The following UFL1 variants were observed in gnomAD, a reference collection of about 807,000 sequenced individuals.
UFL1 encodes the protein UFM1 specific ligase 1, also known as E3 UFM1-protein ligase 1.
A neutral mutation model predicts 99.3 loss-of-function variants in UFL1; 78 were observed. That is an observed-to-expected ratio of 0.79 (90% CI 0.65 to 0.95). The LOEUF (loss-of-function observed/expected upper bound fraction) is 0.95, where lower values mean the gene tolerates loss of function less well. Among genes scored for constraint, UFL1 ranks in the 40% least tolerant of loss-of-function variants. The pLI is 0.00. For missense variants in UFL1, 936 were observed against 937.0 expected (o/e 1.00, Z 0.01); for synonymous variants, 335 against 322.2 (o/e 1.04, Z -0.42).
At chr6:96,545,831 A>G (rs1199423032) in intron 12 of UFL1, among the ~76,000 whole-genome samples, 3 of 151,218 alleles carry the variant, frequency 2.0e-5, no homozygotes, top group Non-Finnish European at 4.4e-5. Flanking sequence ...CCACTTCATG[A>G]TAAAAATCTT....
chr6:96,525,586 A>C (rs1769686834), intron 4 of UFL1, among the ~76,000 whole-genome samples, 192 bp downstream of exon 4: 1 of 151,996 alleles, frequency 6.6e-6, no homozygotes, highest in East Asian at 1.9e-4. Flanking sequence ...ATGTACCTGT[A>C]ATCCCAGCTA....
At position 96,554,087 on chromosome 6, in the gene UFL1, T is replaced by G. The variant is rs1770120689; in HGVS notation, c.*584T>G. On this transcript the variant is annotated 3_prime_UTR_variant, in exon 19 of 19. Coordinates refer to ENST00000369278, the MANE Select transcript of UFL1 (RefSeq NM_015323.5). ...CTCTTATTTTTGGCAGAATAAACAT[T>G]GATTTTGGTTGGGGCTGCAAGGATG... 1.3e-5 allele frequency: 2 copies of G among 152,372 alleles called. No homozygotes were observed. Among genetic ancestry groups the G allele is most frequent in the Non-Finnish European group, 2.9e-5 (2 of 68,220 alleles). The allele number at this position is 152,372 out of a possible 1,614,324, so 9.4% of individuals were successfully genotyped here. A position where few individuals can be genotyped will look rare whatever the true frequency, so the allele number is the denominator to read the frequency against.
At chr6:96,529,072 T>C (rs1769744521) in intron 6 of UFL1, among the ~76,000 whole-genome samples, 1 of 152,216 alleles carries the variant, frequency 6.6e-6, no homozygotes, top group East Asian at 1.9e-4. Context: ...CTAGAGAATT[T>C]TATGACATTT....
chr6:96,524,811 G>T (rs1769675990), intron 3 of UFL1, among the ~76,000 whole-genome samples: 1 of 152,080 alleles, frequency 6.6e-6, no homozygotes, highest in African/African-American at 2.4e-5. Context: ...TTTAAAAGTA[G>T]AAGCTATTTT....
intron 4 of UFL1, among the ~76,000 whole-genome samples, 158 bp from the exon 5 acceptor site, chr6:96,526,163 T>A (rs1222376002): frequency 6.6e-6 from 1 of 152,128 alleles, no homozygotes; most frequent in Non-Finnish European, 1.5e-5. Context: ...GAGAAAAAAG[T>A]ATTTGTTAGA....
intron 10 of UFL1, 117 bp from the exon 11 acceptor site, chr6:96,540,418 C>T (rs1769914269): frequency 1.2e-5 from 16 of 1,286,992 alleles, no homozygotes; most frequent in Admixed American, 3.2e-5. Flanking sequence ...TGAAACAAAG[C>T]TCTATAGTTC....
chr6:96,531,771 C>T (rs1290088897), intron 6 of UFL1, among the ~76,000 whole-genome samples: 1 of 152,096 alleles, frequency 6.6e-6, no homozygotes, highest in Non-Finnish European at 1.5e-5. Context: ...TAATTTTCAT[C>T]AAAATCAGCT....
At chr6:96,525,440 T>C in intron 4 of UFL1, 46 bp downstream of exon 4, 34 of 1,456,612 alleles carry the variant, frequency 2.3e-5, no homozygotes, top group Non-Finnish European at 3.1e-5. Context: ...GTTTATTTTC[T>C]TTCTTTTTTT....
intron 1 of UFL1, among the ~76,000 whole-genome samples, chr6:96,522,436 T>A (rs1350410441): frequency 6.6e-6 from 1 of 152,152 alleles, no homozygotes; most frequent in Non-Finnish European, 1.5e-5. Context: ...GCTAGACCCC[T>A]GACCCCATCT....
intron 1 of UFL1, among the ~76,000 whole-genome samples, chr6:96,522,377 G>T: frequency 6.6e-6 from 1 of 152,104 alleles, no homozygotes; most frequent in East Asian, 1.9e-4. Flanking sequence ...CAAATAGTAT[G>T]TTGATCCTTA....
chr6:96,540,912 C>T (rs906581574), intron 11 of UFL1, among the ~76,000 whole-genome samples: 1 of 151,410 alleles, frequency 6.6e-6, no homozygotes, highest in Non-Finnish European at 1.5e-5. Context: ...TCCCCATCCT[C>T]TGTCTATGTT....
At chr6:96,551,740 G>A (rs1770083445) in intron 16 of UFL1, 98 bp from the exon 17 acceptor site, 4 of 872,814 alleles carry the variant, frequency 4.6e-6, no homozygotes, top group Non-Finnish European at 7.1e-6. Context: ...TTTAAAAATT[G>A]TATTTGGGAT....
At chr6:96,546,119 CA>C (rs963033158) in intron 12 of UFL1, among the ~76,000 whole-genome samples, 9 of 151,242 alleles carry the variant, frequency 6.0e-5, no homozygotes, top group African/African-American at 1.9e-4. Flanking sequence ...CCTAGAAAGC[CA>C]TAAAGACTCC....
rs1770125873 is a variant in UFL1, at chr6:96,554,394, C to T, written c.*891C>T. 1 of 152,048 alleles carries T rather than the reference C, an allele frequency of 6.6e-6. No individual in the cohort carries two copies. The highest frequency in any genetic ancestry group is 1.9e-4 in the East Asian group (1 of 5,184). The allele number at this position is 152,048 out of a possible 1,614,324, so 9.4% of individuals were successfully genotyped here. On this transcript the variant is annotated 3_prime_UTR_variant, in exon 19 of 19. Transcript: ENST00000369278. ...ATGCCTTTTCCAGTGGTAGGAGCAT[C>T]TGTAAGTGCATTTAAATCATTAGAA...
intron 3 of UFL1, among the ~76,000 whole-genome samples, chr6:96,524,700 T>C (rs1165641588): frequency 6.6e-6 from 1 of 152,318 alleles, no homozygotes; most frequent in Non-Finnish European, 1.5e-5. Context: ...AATGAACTCA[T>C]AGTTATTTTA....
chr6:96,548,297 A>G lies in UFL1; in HGVS notation c.1520+16A>G, dbSNP rs535820492. The G allele has an allele frequency of 8.9e-6, 13 of 1,463,936 alleles. No homozygotes were observed. The South Asian group carries it at 1.3e-4, about 14-fold the overall frequency. The allele number at this position is 1,463,936 out of a possible 1,614,324, so 90.7% of individuals were successfully genotyped here. Reference sequence around the variant, plus strand: ...ACTTAATAAAGCAAGTATAAAATGTATTTTTTCTGTTTTATGGTAGAAATT... The same window carrying G: ...ACTTAATAAAGCAAGTATAAAATGTGTTTTTTCTGTTTTATGGTAGAAATT... On this transcript the variant is annotated intron_variant, in intron 13 of 18. Coordinates refer to ENST00000369278, the MANE Select transcript of UFL1 (RefSeq NM_015323.5).
At chr6:96,539,637 C>T (rs544723672) in intron 10 of UFL1, among the ~76,000 whole-genome samples, 2 of 151,560 alleles carry the variant, frequency 1.3e-5, no homozygotes, top group African/African-American at 4.8e-5. Flanking sequence ...CTAGTTTCCT[C>T]ATCTTTAAAG....
intron 7 of UFL1, among the ~76,000 whole-genome samples, chr6:96,534,874 ATT>A (rs1007608813): frequency 2.0e-5 from 3 of 151,984 alleles, no homozygotes; most frequent in Admixed American, 6.6e-5. Context: ...TTCAACTCAG[ATT>A]ATCTGTGCAA....
intron 7 of UFL1, among the ~76,000 whole-genome samples, chr6:96,535,132 C>T (rs1188968246): frequency 6.6e-6 from 1 of 151,986 alleles, no homozygotes; most frequent in East Asian, 1.9e-4. Context: ...ATTGTACAGT[C>T]ATACTAAATT....
Sources: gnomAD v4.1 joint callset for allele counts (sites outside exome capture counted in the v4.1 genomes callset) on GRCh38, gnomAD v4.1.1 for gene constraint, MANE v1.5 for transcripts, NCBI Gene and HGNC (gene_info 2026-07-23, HGNC 2026-07-21) for gene names.